Variants in ZNF267 observed in about 807,000 individuals in gnomAD.
The protein encoded by ZNF267 is zinc finger (C2H2).
A neutral mutation model predicts 71.6 loss-of-function variants in ZNF267; 61 were observed. The ratio of observed to expected loss-of-function variants is 0.85; its 90% CI spans 0.69 to 1.05. The LOEUF is 1.05. Among genes scored for constraint, ZNF267 ranks in the 50% least tolerant of loss-of-function variants. The pLI, the probability that ZNF267 is intolerant of heterozygous loss-of-function variation, is 0.00. For missense variants in ZNF267, 852 were observed against 870.0 expected, an observed-to-expected ratio of 0.98 and a Z score of 0.26; for synonymous variants, 288 against 293.2, an observed-to-expected ratio of 0.98 and a Z score of 0.18.
chr16:31,887,937 T>A (rs1361804840), intron 3 of ZNF267, among the ~76,000 whole-genome samples: 1 of 152,150 alleles, frequency 6.6e-6, no homozygotes, highest in African/African-American at 2.4e-5. Context: ...CAATACAGAT[T>A]TCATTGGATC....
chr16:31,881,874 A>T (rs1260544699), intron 1 of ZNF267, among the ~76,000 whole-genome samples: 3 of 152,094 alleles, frequency 2.0e-5, no homozygotes, highest in Non-Finnish European at 4.4e-5. Context: ...AATGTTGACC[A>T]GGCTGATCTT....
intron 3 of ZNF267, among the ~76,000 whole-genome samples, chr16:31,910,118 A>G (rs552525282): frequency 1.3e-5 from 2 of 152,342 alleles, no homozygotes; most frequent in Admixed American, 6.5e-5. Flanking sequence ...CCACTTTGTC[A>G]TAATGAACAA....
intron 1 of ZNF267, 120 bp downstream of exon 1, chr16:31,874,089 T>G (rs1306300034): frequency 2.3e-5 from 26 of 1,139,020 alleles, no homozygotes; most frequent in Admixed American, 4.3e-5. Flanking sequence ...GGGCCCCGAG[T>G]CCCAACTGGT....
At chr16:31,911,954 C>T (rs1188919222) in intron 3 of ZNF267, 4 of 151,458 alleles carry the variant, frequency 2.6e-5, no homozygotes, top group East Asian at 1.9e-4. Flanking sequence ...AAAAACTCTA[C>T]CTTTAACTTT....
Position 31,885,175 on chromosome 16 carries a change from A to G in ZNF267, c.145A>G (p.Lys49Glu). ...NLVSLGLVVS[K>E]PDLITFLEQR... ...CAATAAAACAGGTCTTGTTGTCTCT[A>G]AGCCGGACCTGATCACCTTTTTGGA... The change falls in exon 3 of 4, where the codon AAG (lysine) becomes GAG (glutamate). Residue 49 changes from lysine to glutamate, a missense_variant. By Grantham distance (56) the Lys-to-Glu change is moderately conservative. Transcript: ENST00000300870. 19 of 1,610,056 alleles carry G rather than the reference A, an allele frequency of 1.2e-5. No homozygotes were observed. The highest frequency in any genetic ancestry group is 1.4e-5 in the Non-Finnish European group (17 of 1,178,448).
Position 31,916,536 on chromosome 16 carries a change from C to A in ZNF267, c.*55C>A. 1 of 1,507,708 alleles carries A rather than the reference C, an allele frequency of 6.6e-7. No individual in the cohort carries two copies. The highest frequency in any genetic ancestry group is 9.0e-7 in the Non-Finnish European group (1 of 1,115,972). The allele number at this position is 1,507,708 out of a possible 1,614,324, so 93.4% of individuals were successfully genotyped here. On this transcript the variant is annotated 3_prime_UTR_variant, in exon 4 of 4. Coordinates refer to ENST00000300870, the MANE Select transcript of ZNF267 (RefSeq NM_003414.6). Reference sequence around the variant, plus strand: ...TTGTTACCCATGTCTTATTGTGCATCAGATAATTTATATGGGAGTGAAACC... The same window carrying A: ...TTGTTACCCATGTCTTATTGTGCATAAGATAATTTATATGGGAGTGAAACC...
At chr16:31,881,321 C>T (rs749238260) in intron 1 of ZNF267, among the ~76,000 whole-genome samples, 12 of 152,038 alleles carry the variant, frequency 7.9e-5, no homozygotes, top group African/African-American at 2.9e-4. Flanking sequence ...CCCAGCTCTG[C>T]CCAAATCCAG....
intron 3 of ZNF267, among the ~76,000 whole-genome samples, 198 bp downstream of exon 3, chr16:31,885,454 C>G (rs1329293378): frequency 6.6e-6 from 1 of 152,230 alleles, no homozygotes; most frequent in Non-Finnish European, 1.5e-5. Context: ...TCTCCTTCCT[C>G]TTCTGTGATC....
intron 3 of ZNF267, among the ~76,000 whole-genome samples, chr16:31,888,494 G>A (rs1211060015): frequency 6.6e-6 from 1 of 152,048 alleles, no homozygotes; most frequent in Non-Finnish European, 1.5e-5. Context: ...TGTTGAGATG[G>A]ATACTTTTGT....
At chr16:31,914,430 A>G in intron 3 of ZNF267, 46 bp from the exon 4 acceptor site, 1 of 1,461,308 alleles carries the variant, frequency 6.8e-7, no homozygotes. Context: ...AAATATATGT[A>G]CCTGAATATA....
Position 31,877,832 on chromosome 16 carries a change from CT to C in ZNF267, c.3+3864del, listed in dbSNP as rs1432351700. Among the ~76,000 whole-genome samples, 5 of 151,266 alleles carry C rather than the reference CT, an allele frequency of 3.3e-5. No individual in the cohort carries two copies. In the East Asian group the frequency reaches 5.8e-4, roughly 18 times the overall value. The stretch of plus-strand genomic sequence containing the variant: ...TTTTCCCACTACTTTTTTTTTTGCC[CT>C]GTATGTATTTATCTCATTTGGCTGT... On this transcript the variant is annotated intron_variant, in intron 1 of 3. Transcript: ENST00000300870.
chr16:31,901,323 G>C (rs914718830), intron 3 of ZNF267, among the ~76,000 whole-genome samples: 1 of 152,092 alleles, frequency 6.6e-6, no homozygotes, highest in Admixed American at 6.6e-5. Flanking sequence ...CCCAGTAATG[G>C]GATGGCTGGG....
chr16:31,892,479 A>G (rs546560158), intron 3 of ZNF267, among the ~76,000 whole-genome samples: 92 of 152,302 alleles, frequency 6.0e-4, no homozygotes, highest in African/African-American at 2.1e-3. Flanking sequence ...TGCCTTCCCA[A>G]TAGTCCCCCA....
Position 31,884,619 on chromosome 16 carries a change from C to A in ZNF267, c.125C>A (p.Ser42Tyr), listed in dbSNP as rs1040052783. Residue 42 changes from serine to tyrosine, a missense_variant, in exon 2 of 4, where the codon TCT becomes TAT. Transcript: ENST00000300870. The stretch of plus-strand genomic sequence containing the variant: ...TTAGAAAACTACAGAAACCTGGTCT[C>A]TCTGGGTGAGGATAACTTGCCTTCG... ...VMLENYRNLV[S>Y]LGLVVSKPDL... 5 of 1,611,792 alleles carry A rather than the reference C, an allele frequency of 3.1e-6. No individual in the cohort carries two copies. The South Asian group carries it at 5.5e-5, about 18-fold the overall frequency.
intron 3 of ZNF267, among the ~76,000 whole-genome samples, chr16:31,910,951 T>C (rs2084131011): frequency 6.6e-6 from 1 of 151,694 alleles, no homozygotes; most frequent in South Asian, 2.1e-4. Context: ...ACTGATCCAA[T>C]TTTCATTGAG....
At chr16:31,882,787 A>G (rs1429098199) in intron 1 of ZNF267, among the ~76,000 whole-genome samples, 1 of 152,192 alleles carries the variant, frequency 6.6e-6, no homozygotes, top group Non-Finnish European at 1.5e-5. Context: ...AATTTGTCTT[A>G]TTACAGACGA....
intron 3 of ZNF267, chr16:31,894,452 GTGT>G (rs1046967780): frequency 2.2e-6 from 1 of 445,550 alleles, no homozygotes; most frequent in African/African-American, 2.1e-5. Context: ...CCACCTGTTA[GTGT>G]TTTTTTTTTC....
At chr16:31,901,349 A>G (rs1372439133) in intron 3 of ZNF267, among the ~76,000 whole-genome samples, 4 of 152,112 alleles carry the variant, frequency 2.6e-5, no homozygotes, top group Admixed American at 1.3e-4. Context: ...TGGTATTTCT[A>G]GTTCTAGATC....
chr16:31,885,115 A>T (rs532506145), intron 2 of ZNF267, 46 bp from the exon 3 acceptor site: 2 of 1,484,474 alleles, frequency 1.3e-6, no homozygotes, highest in East Asian at 2.3e-5. Flanking sequence ...ATAAAAAATA[A>T]AAAGAACCCT....
Sources: allele counts gnomAD v4.1 joint callset (sites outside exome capture counted in the v4.1 genomes callset), GRCh38; gene constraint gnomAD v4.1.1; transcripts MANE v1.5; gene names NCBI Gene and HGNC (gene_info 2026-07-23, HGNC 2026-07-21).